Variants in SLC5A4 observed in about 807,000 individuals in gnomAD.
The protein encoded by SLC5A4 is solute carrier family 5 member 4.
Under a neutral mutation model 70.3 loss-of-function variants are expected in SLC5A4, and 55 were observed. The observed-to-expected ratio is 0.78, with a 90% CI of 0.63 to 0.98. The LOEUF (loss-of-function observed/expected upper bound fraction) is 0.98. SLC5A4 is among the 50% of genes least tolerant of loss of function. The pLI, the probability that SLC5A4 is intolerant of heterozygous loss-of-function variation, is 0.00. For synonymous variants in SLC5A4, 268 were observed against 305.7 expected, an observed-to-expected ratio of 0.88 and a Z score of 1.29; for missense variants, 735 against 839.2, an observed-to-expected ratio of 0.88 and a Z score of 1.53.
chr22:32,248,678 ATCT>A (rs1332970877), intron 4 of SLC5A4, 62 bp downstream of exon 4: 2 of 1,096,812 alleles, frequency 1.8e-6, no homozygotes, highest in Non-Finnish European at 2.8e-6. Flanking sequence ...TCAGTGATTG[ATCT>A]TCTGTGCAGT....
chr22:32,330,825 GGTGTGT>G, the SLC5A4 span, among the ~76,000 whole-genome samples: 2 of 80,290 alleles, frequency 2.5e-5, no homozygotes, highest in African/African-American at 4.8e-5. Context: ...GGGAGGCTCT[GGTGTGT>G]GTGTGTGTGT....
chr22:32,241,749 T>C (rs899813898), intron 5 of SLC5A4, among the ~76,000 whole-genome samples: 14 of 151,630 alleles, frequency 9.2e-5, no homozygotes, highest in African/African-American at 3.4e-4. Flanking sequence ...ATTATAGGAT[T>C]GAGCAAACAA....
the SLC5A4 span, among the ~76,000 whole-genome samples, chr22:32,309,146 G>GGTGC: frequency 2.6e-5 from 4 of 152,290 alleles, no homozygotes; most frequent in Non-Finnish European, 5.9e-5. Context: ...GGCATGTTCA[G>GGTGC]AGGCTAACAT....
At chr22:32,324,245 GTGTATATATACACACATATA>G in the SLC5A4 span, among the ~76,000 whole-genome samples, 4 of 136,058 alleles carry the variant, frequency 2.9e-5, no homozygotes, top group Non-Finnish European at 6.4e-5. Context: ...ACATATGTAT[GTGTATATATACACACATATA>G]TGTATATATA....
At chr22:32,315,296 AAAT>A in the SLC5A4 span, among the ~76,000 whole-genome samples, 3 of 152,188 alleles carry the variant, frequency 2.0e-5, no homozygotes, top group South Asian at 2.1e-4. Context: ...GAACTGGCAT[AAAT>A]AATAAAAAGT....
At chr22:32,288,505 G>A in the SLC5A4 span, among the ~76,000 whole-genome samples, 1 of 152,150 alleles carries the variant, frequency 6.6e-6, no homozygotes, top group Admixed American at 6.5e-5. Context: ...ATTAGATTTT[G>A]CATGAATGAG....
At chr22:32,260,919 A>C in the SLC5A4 span, among the ~76,000 whole-genome samples, 1 of 152,154 alleles carries the variant, frequency 6.6e-6, no homozygotes, top group Non-Finnish European at 1.5e-5. Context: ...CTAAAAATAC[A>C]AAAATTAGCT....
rs140435257 is a variant in SLC5A4, at chr22:32,232,282, G to T, written c.1021+617C>A. Among the ~76,000 whole-genome samples the T allele has an allele frequency of 4.6e-3, 698 of 152,328 alleles. 9 individuals are homozygous for T. Among genetic ancestry groups the T allele is most frequent in the East Asian group, 0.021 (110 of 5,188 alleles). ...TGATGCCCAGTTGAGAAAACATGAA[G>T]TGGATTCAGTGTTGTCTGAGGGATT... On this transcript the variant is annotated intron_variant, in intron 9 of 14. Transcript: ENST00000266086.
chr22:32,294,533 C>CT, the SLC5A4 span, among the ~76,000 whole-genome samples: 1 of 152,144 alleles, frequency 6.6e-6, no homozygotes, highest in East Asian at 1.9e-4. Context: ...TCCTGTGGCT[C>CT]TTTGAGAGCC....
At chr22:32,293,685 T>C in the SLC5A4 span, among the ~76,000 whole-genome samples, 1 of 152,142 alleles carries the variant, frequency 6.6e-6, no homozygotes, top group Non-Finnish European at 1.5e-5. Context: ...GCCCCAGATA[T>C]AACCTTCCTG....
intron 7 of SLC5A4, among the ~76,000 whole-genome samples, chr22:32,236,056 C>G (rs1164228604): frequency 1.3e-5 from 2 of 152,132 alleles, no homozygotes; most frequent in African/African-American, 4.8e-5. Context: ...CTTAGAGACC[C>G]TAATGCCAGA....
chr22:32,246,461 C>T (rs1926838365), intron 5 of SLC5A4, among the ~76,000 whole-genome samples: 2 of 152,140 alleles, frequency 1.3e-5, no homozygotes, highest in South Asian at 2.1e-4. Context: ...TTTACATGTG[C>T]TGCTGAATCT....
the SLC5A4 span, among the ~76,000 whole-genome samples, chr22:32,286,276 T>C: frequency 6.6e-6 from 1 of 152,232 alleles, no homozygotes; most frequent in Admixed American, 6.5e-5. Flanking sequence ...TTGGTCATAG[T>C]GTTTTTGTAG....
chr22:32,317,863 G>A, the SLC5A4 span, among the ~76,000 whole-genome samples: 2 of 152,170 alleles, frequency 1.3e-5, no homozygotes, highest in South Asian at 4.1e-4. Context: ...GTGACTGCTT[G>A]GAAGGATTCT....
the SLC5A4 span, among the ~76,000 whole-genome samples, chr22:32,334,355 C>A: frequency 6.6e-6 from 1 of 152,182 alleles, no homozygotes; most frequent in African/African-American, 2.4e-5. Context: ...GCAGCAACAC[C>A]ACGTGTCTCT....
the SLC5A4 span, among the ~76,000 whole-genome samples, chr22:32,316,404 G>A: frequency 6.6e-6 from 1 of 151,946 alleles, no homozygotes; most frequent in Non-Finnish European, 1.5e-5. Flanking sequence ...TGAGGGTGAA[G>A]GATGAGAGTC....
At chr22:32,268,776 C>G in the SLC5A4 span, among the ~76,000 whole-genome samples, 2 of 152,152 alleles carry the variant, frequency 1.3e-5, no homozygotes, top group Non-Finnish European at 2.9e-5. Flanking sequence ...GTGCTCTAGG[C>G]CTGTGCTGTC....
At chr22:32,245,845 C>G (rs1235457251) in intron 5 of SLC5A4, among the ~76,000 whole-genome samples, 1 of 152,186 alleles carries the variant, frequency 6.6e-6, no homozygotes, top group Non-Finnish European at 1.5e-5. Context: ...AACTGTAAAG[C>G]TGTAGATGTC....
In SLC5A4 at chr22:32,234,825, C is replaced by G. The variant is rs372973820; in HGVS notation, c.885+48G>C. ...ACAAGCACATGCACACATACAGACA[C>G]ACAGACAGACAGACAGACAGACAGA... On this transcript the variant is annotated intron_variant, in intron 8 of 14. Coordinates refer to ENST00000266086, the MANE Select transcript of SLC5A4 (RefSeq NM_014227.3). 4.5e-6 allele frequency: 6 copies of G among 1,348,050 alleles called. No homozygotes were observed. In the Admixed American group the frequency reaches 5.1e-5, roughly 11 times the overall value. 83.5% of individuals were successfully genotyped at this position (1,348,050 alleles called of 1,614,324 possible).
Sources: allele counts gnomAD v4.1 joint callset (sites outside exome capture counted in the v4.1 genomes callset), GRCh38; gene constraint gnomAD v4.1.1; transcripts MANE v1.5; gene names NCBI Gene and HGNC (gene_info 2026-07-23, HGNC 2026-07-21).